Variants in MARCHF2 observed in about 807,000 individuals in gnomAD.
MARCHF2 encodes the protein E3 ubiquitin-protein ligase MARCHF2.
Under a neutral mutation model 24.0 loss-of-function variants are expected in MARCHF2, and 22 were observed. The ratio of observed to expected loss-of-function variants is 0.92; its 90% CI spans 0.66 to 1.31. MARCHF2 has a LOEUF of 1.31. Among genes scored for constraint, MARCHF2 ranks in the 50% most tolerant of loss-of-function variants. MARCHF2 has a pLI of 0.00. For missense variants in MARCHF2, 301 were observed against 335.3 expected, an observed-to-expected ratio of 0.90 and a Z score of 0.80; for synonymous variants, 154 against 153.0, an observed-to-expected ratio of 1.01 and a Z score of -0.05.
chr19:8,427,261 C>G (rs1157184586), intron 3 of MARCHF2, among the ~76,000 whole-genome samples: 1 of 152,038 alleles, frequency 6.6e-6, no homozygotes, highest in East Asian at 1.9e-4. Flanking sequence ...GTTGGCCAGG[C>G]TGGTCTCGAA....
At chr19:8,421,192 G>A (rs186553288) in intron 1 of MARCHF2, among the ~76,000 whole-genome samples, 1 of 148,904 alleles carries the variant, frequency 6.7e-6, no homozygotes, top group African/African-American at 2.5e-5. Context: ...GCGTGATCTC[G>A]GCTCACTGTA....
intron 2 of MARCHF2, among the ~76,000 whole-genome samples, chr19:8,425,815 C>G (rs544794601): frequency 1.3e-5 from 2 of 149,798 alleles, no homozygotes; most frequent in African/African-American, 4.9e-5. Flanking sequence ...CGGGGTTTCA[C>G]CATGTTGGCC....
At chr19:8,435,902 G>T (rs1340289978) in intron 4 of MARCHF2, among the ~76,000 whole-genome samples, 1 of 148,296 alleles carries the variant, frequency 6.7e-6, no homozygotes, top group African/African-American at 2.5e-5. Flanking sequence ...TGTCACCCAG[G>T]CTGCAGTGCA....
intron 2 of MARCHF2, 142 bp from the exon 3 acceptor site, chr19:8,426,467 T>G: frequency 6.1e-6 from 4 of 654,456 alleles, no homozygotes; most frequent in East Asian, 2.7e-5. Flanking sequence ...GGGAAGGACA[T>G]TTAGAGCTGG....
At chr19:8,419,829 A>G (rs1358947202) in intron 1 of MARCHF2, among the ~76,000 whole-genome samples, 1 of 143,716 alleles carries the variant, frequency 7.0e-6, no homozygotes, top group African/African-American at 2.7e-5. Flanking sequence ...AAAAAAATAA[A>G]TAAATAAATA....
chr19:8,435,437 G>A (rs533994744), intron 4 of MARCHF2, among the ~76,000 whole-genome samples: 13 of 152,202 alleles, frequency 8.5e-5, no homozygotes, highest in African/African-American at 2.9e-4. Context: ...AACTTGCACA[G>A]CCTCCCCCAC....
chr19:8,438,726 A>T lies in MARCHF2; in HGVS notation c.*180A>T. The T allele has an allele frequency of 7.7e-6, 4 of 517,334 alleles. No individual in the cohort carries two copies. The highest frequency in any genetic ancestry group is 2.2e-5 in the African/African-American group (1 of 44,578). The allele number at this position is 517,334 out of a possible 1,614,324, so 32.0% of individuals were successfully genotyped here. ...TGTGATCCTGTGTGAAGATATTTTC[A>T]GGGTTTTTTTTTTTTTTTTTTTGCA... On this transcript the variant is annotated 3_prime_UTR_variant, in exon 5 of 5. Coordinates refer to ENST00000215555, the MANE Select transcript of MARCHF2 (RefSeq NM_001005415.2).
At chr19:8,438,021 C>A (rs1228208382) in intron 4 of MARCHF2, among the ~76,000 whole-genome samples, 2 of 152,140 alleles carry the variant, frequency 1.3e-5, no homozygotes, top group Non-Finnish European at 2.9e-5. Context: ...CGTGCCCGGG[C>A]TCCCAAACTA....
intron 4 of MARCHF2, among the ~76,000 whole-genome samples, chr19:8,431,558 C>A (rs1310590295): frequency 1.4e-5 from 2 of 147,270 alleles, no homozygotes; most frequent in African/African-American, 5.0e-5. Context: ...AGGGAAAACC[C>A]AGGCACAGTG....
intron 2 of MARCHF2, among the ~76,000 whole-genome samples, chr19:8,424,342 A>T (rs1254142597): frequency 6.6e-6 from 1 of 152,102 alleles, no homozygotes; most frequent in East Asian, 1.9e-4. Flanking sequence ...GTGTGATTAG[A>T]TCCAGGGGCC....
At chr19:8,432,157 T>C (rs1475903096) in intron 4 of MARCHF2, among the ~76,000 whole-genome samples, 16 of 151,228 alleles carry the variant, frequency 1.1e-4, no homozygotes, top group Admixed American at 1.1e-3. Flanking sequence ...GATTCTGTCT[T>C]TAAAAAAAGA....
At chr19:8,436,990 T>A (rs77475882) in intron 4 of MARCHF2, among the ~76,000 whole-genome samples, 2 of 72,474 alleles carry the variant, frequency 2.8e-5, no homozygotes, top group African/African-American at 7.0e-5. Context: ...GCGCCCAGCA[T>A]TTTTTTTTTT....
chr19:8,438,145 G>T (rs1967780329), intron 4 of MARCHF2, among the ~76,000 whole-genome samples: 1 of 152,110 alleles, frequency 6.6e-6, no homozygotes. Flanking sequence ...GCTCCCGTTT[G>T]CTTCCTGCTG....
At position 8,438,379 on chromosome 19, in the gene MARCHF2, G is replaced by A; in HGVS notation, c.583-9G>A. 1 of 1,612,986 alleles carries A rather than the reference G, an allele frequency of 6.2e-7. No individual in the cohort carries two copies. The highest frequency in any genetic ancestry group is 8.5e-7 in the Non-Finnish European group (1 of 1,180,016). On this transcript the variant is annotated splice_polypyrimidine_tract_variant and intron_variant, in intron 4 of 4. Coordinates refer to ENST00000215555, the MANE Select transcript of MARCHF2 (RefSeq NM_001005415.2). ...GGAGGCCTCCGCTCACTGCAGGGCT[G>A]CCCCACAGGTCTCCTTCCGCTACCA...
At chr19:8,418,607 C>T (rs923232561) in intron 1 of MARCHF2, 1 of 152,238 alleles carries the variant, frequency 6.6e-6, no homozygotes, top group African/African-American at 2.4e-5. Context: ...TCACTACAGC[C>T]TTGAACTCCT....
intron 4 of MARCHF2, among the ~76,000 whole-genome samples, chr19:8,437,043 G>T (rs998387770): frequency 2.0e-5 from 3 of 147,944 alleles, no homozygotes; most frequent in Non-Finnish European, 4.4e-5. Context: ...GCAGTGGCGT[G>T]AGCACAGCTT....
chr19:8,416,894 C>T (rs1967099732), intron 1 of MARCHF2, among the ~76,000 whole-genome samples: 1 of 152,122 alleles, frequency 6.6e-6, no homozygotes, highest in Admixed American at 6.6e-5. Context: ...AAGGCTTCTC[C>T]AGGAAGGTGA....
In MARCHF2 at chr19:8,430,945, C is replaced by T; in HGVS notation, c.582+78C>T. The T allele has an allele frequency of 1.4e-6, 2 of 1,430,630 alleles. No homozygotes were observed. Among genetic ancestry groups the T allele is most frequent in the Admixed American group, 2.1e-5 (1 of 48,040 alleles). The allele number at this position is 1,430,630 out of a possible 1,614,324, so 88.6% of individuals were successfully genotyped here. ...GCAGGGCCAAGGATTTGGCCCCTGGCTTGTGGGGCACGGGGCTCCCTGGCT... is the reference window on the plus strand; with the variant it reads ...GCAGGGCCAAGGATTTGGCCCCTGGTTTGTGGGGCACGGGGCTCCCTGGCT... On this transcript the variant is annotated intron_variant, in intron 4 of 4. Transcript: ENST00000215555. The surrounding 1 kb of genome is among the most constrained non-coding windows in gnomAD (Gnocchi z 4.4).
intron 4 of MARCHF2, among the ~76,000 whole-genome samples, chr19:8,434,894 C>T (rs958295636): frequency 6.6e-6 from 1 of 151,484 alleles, no homozygotes; most frequent in Non-Finnish European, 1.5e-5. Flanking sequence ...TTAGTAGAGA[C>T]GAGTTTTCAC....
Sources: gnomAD v4.1 joint callset for allele counts (sites outside exome capture counted in the v4.1 genomes callset) on GRCh38, gnomAD v4.1.1 for gene constraint, Gnocchi (gnomAD v3.1) non-coding constraint, MANE v1.5 for transcripts, NCBI Gene and HGNC (gene_info 2026-07-23, HGNC 2026-07-21) for gene names.